The following PACS2 variants were observed in gnomAD, a reference collection of about 807,000 sequenced individuals.
PACS2 encodes the protein phosphofurin acidic cluster sorting protein 2.
A neutral mutation model predicts 113.0 loss-of-function variants in PACS2; 36 were observed. The ratio of observed to expected loss-of-function variants is 0.32; its 90% CI spans 0.24 to 0.42. The LOEUF (loss-of-function observed/expected upper bound fraction) is 0.42, where lower values mean the gene tolerates loss of function less well. Among genes scored for constraint, PACS2 ranks in the 10% least tolerant of loss-of-function variants. The pLI is 1.00. For synonymous variants in PACS2, 589 were observed against 536.1 expected, an observed-to-expected ratio of 1.10 and a Z score of -1.36; for missense variants, 1,015 against 1,239.5, an observed-to-expected ratio of 0.82 and a Z score of 2.72.
At chr14:105,334,820 G>T (rs587679780) in intron 1 of PACS2, among the ~76,000 whole-genome samples, 2 of 148,106 alleles carry the variant, frequency 1.4e-5, no homozygotes, top group East Asian at 1.9e-4. Flanking sequence ...GTGCACTGCG[G>T]GGGGGAGCTG....
chr14:105,390,001 G>A lies in PACS2; in HGVS notation c.2074G>A (p.Gly692Arg). The A allele has an allele frequency of 6.2e-7, 1 of 1,613,738 alleles. No individual in the cohort carries two copies. The highest frequency in any genetic ancestry group is 1.1e-5 in the South Asian group (1 of 91,084). The change falls in exon 20 of 25, where the codon GGG becomes AGG. Residue 692 changes from glycine to arginine, a missense_variant and splice_region_variant. This residue lies in a region of PACS2 where 859 missense variants were observed against 1,056.8 expected (regional missense o/e 0.81). Coordinates refer to ENST00000447393, the MANE Select transcript of PACS2 (RefSeq NM_001100913.3). ...CTCCCAAAAGTTCATTCCCTTTGTC[G>A]GGGTGAGTACTGGCCAGCTTTATGT... ...ESSQKFIPFV[G>R]VVKVGIVEPS...
At chr14:105,327,335 A>C (rs921628204) in intron 1 of PACS2, among the ~76,000 whole-genome samples, 1 of 152,184 alleles carries the variant, frequency 6.6e-6, no homozygotes, top group Non-Finnish European at 1.5e-5. Flanking sequence ...GCCTGCCGCT[A>C]CTGCCTGCTG....
chr14:105,313,678 G>A (rs1210762836), upstream of PACS2, among the ~76,000 whole-genome samples: 1 of 152,252 alleles, frequency 6.6e-6, no homozygotes, highest in Admixed American at 6.5e-5. Context: ...CAATTTGCTC[G>A]GGCTGGATTT....
At chr14:105,372,082 C>G (rs1227436082) in intron 8 of PACS2, 1 of 152,258 alleles carries the variant, frequency 6.6e-6, no homozygotes, top group East Asian at 1.9e-4. Context: ...TACAAACGTT[C>G]ACAGCCCCCA....
intron 19 of PACS2, among the ~76,000 whole-genome samples, chr14:105,388,067 T>C (rs1566968372): frequency 6.6e-6 from 1 of 152,256 alleles, no homozygotes; most frequent in Non-Finnish European, 1.5e-5. Context: ...TGCATCGCTT[T>C]ATGTTATTTG....
chr14:105,374,134 GAC>G (rs1391047430), intron 8 of PACS2, among the ~76,000 whole-genome samples: 1 of 145,058 alleles, frequency 6.9e-6, no homozygotes, highest in Non-Finnish European at 1.5e-5. Flanking sequence ...CAGCCTGGGC[GAC>G]ACAGCGAGAC....
intron 19 of PACS2, 64 bp from the exon 20 acceptor site, chr14:105,389,897 G>A (rs1183478162): frequency 9.7e-6 from 14 of 1,446,516 alleles, no homozygotes; most frequent in Non-Finnish European, 1.4e-5. Flanking sequence ...CCAAGAGGGA[G>A]CTGTGCCCAC....
chr14:105,335,402 C>T (rs1016979691), intron 1 of PACS2, among the ~76,000 whole-genome samples: 5 of 151,690 alleles, frequency 3.3e-5, no homozygotes, highest in Admixed American at 1.3e-4. Context: ...CTGTGGCCGG[C>T]GCCTGGCGTG....
upstream of PACS2, chr14:105,314,523 C>G (rs1338561224): frequency 6.8e-6 from 1 of 147,500 alleles, no homozygotes; most frequent in Non-Finnish European, 1.5e-5. Context: ...CTCTCGCGCA[C>G]CGGCGGGCGG....
At chr14:105,373,100 A>T (rs2061217618) in intron 8 of PACS2, among the ~76,000 whole-genome samples, 1 of 152,256 alleles carries the variant, frequency 6.6e-6, no homozygotes, top group Admixed American at 6.5e-5. Flanking sequence ...AAGTGGAAAG[A>T]TGTCATATGT....
intron 10 of PACS2, 27 bp downstream of exon 10, chr14:105,379,856 G>C (rs2080918269): frequency 1.9e-5 from 31 of 1,601,234 alleles, no homozygotes; most frequent in Non-Finnish European, 2.1e-5. Context: ...TGATCTCCCA[G>C]AGCAGACCGT....
chr14:105,332,002 C>T (rs2059321052), intron 1 of PACS2, among the ~76,000 whole-genome samples: 1 of 152,196 alleles, frequency 6.6e-6, no homozygotes, highest in Non-Finnish European at 1.5e-5. Context: ...TCAGCCTGCT[C>T]CTTGTTCCTT....
rs1039435458 is a variant in PACS2 at position 105,331,155 on chromosome 14, G to A, written c.119+16118G>A. On this transcript the variant is annotated intron_variant, in intron 1 of 24. Transcript: ENST00000447393. The stretch of plus-strand genomic sequence containing the variant: ...TTTTTAGTAGAGACGGGGTTTCACC[G>A]TGTTGGCCAGGCTGGTCTCAAACTC... Among the ~76,000 whole-genome samples the A allele has an allele frequency of 3.3e-5, 5 of 152,048 alleles. No homozygotes were observed. The East Asian group carries it at 5.8e-4, about 18-fold the overall frequency.
chr14:105,313,272 C>G (rs188202047), upstream of PACS2, among the ~76,000 whole-genome samples: 3 of 152,320 alleles, frequency 2.0e-5, no homozygotes, highest in East Asian at 5.8e-4. Flanking sequence ...TGCCTGTCTC[C>G]TGCCCTCCCA....
intron 4 of PACS2, among the ~76,000 whole-genome samples, chr14:105,364,094 T>G (rs941018055): frequency 3.9e-5 from 6 of 151,990 alleles, no homozygotes; most frequent in African/African-American, 1.5e-4. Flanking sequence ...ATAATAATAG[T>G]GAAGAAGTTT....
chr14:105,362,455 G>A (rs1217576932), intron 4 of PACS2, among the ~76,000 whole-genome samples: 2 of 151,154 alleles, frequency 1.3e-5, no homozygotes, highest in East Asian at 3.9e-4. Context: ...AGAATGGTGA[G>A]TCATTTCCAG....
intron 2 of PACS2, among the ~76,000 whole-genome samples, chr14:105,349,439 T>C (rs1249241967): frequency 6.6e-6 from 1 of 152,224 alleles, no homozygotes; most frequent in Non-Finnish European, 1.5e-5. Context: ...GGCCCTGCCC[T>C]TGGAGCCCAT....
rs1555414461 is a variant in PACS2 at position 105,389,956 on chromosome 14, C to T, written c.2034-5C>T. The stretch of plus-strand genomic sequence containing the variant: ...GAGCTTAACTGTCTGTTTCCTTGCT[C>T]TTAGCCCTGACGAAGAGTCCTCCCA... On this transcript the variant is annotated splice_polypyrimidine_tract_variant and splice_region_variant and intron_variant, in intron 19 of 24. Transcript: ENST00000447393. 6.2e-7 allele frequency: 1 copy of T among 1,613,610 alleles called. No homozygotes were observed. Among genetic ancestry groups the T allele is most frequent in the East Asian group, 2.2e-5 (1 of 44,880 alleles).
At chr14:105,311,862 T>C (rs115687994), upstream of PACS2, among the ~76,000 whole-genome samples, 2,767 of 152,306 alleles carry the variant, frequency 0.018, 85 homozygotes, top group African/African-American at 0.061. Context: ...GTCATGGCCA[T>C]GTGCTCCAAC....
Sources: gnomAD v4.1 joint callset for allele counts (sites outside exome capture counted in the v4.1 genomes callset) on GRCh38, gnomAD v4.1.1 for gene constraint, gnomAD v4.1.1 regional missense constraint, MANE v1.5 for transcripts, NCBI Gene and HGNC (gene_info 2026-07-23, HGNC 2026-07-21) for gene names.